Variants in C16orf96 observed in about 807,000 individuals in gnomAD.
C16orf96 encodes chromosome 16 open reading frame 96.
C16orf96 carries 108 observed loss-of-function variants against 103.6 expected under a neutral mutation model. The observed-to-expected ratio is 1.04, with a 90% CI of 0.89 to 1.22. The LOEUF is 1.22. Ranked by LOEUF, C16orf96 falls within the 50% of genes most tolerant of loss-of-function variation. C16orf96 has a pLI of 0.00. For synonymous variants in C16orf96, 566 were observed against 593.5 expected (o/e 0.95, Z 0.67); for missense variants, 1,586 against 1,464.2 (o/e 1.08, Z -1.36).
At chr16:4,585,522 C>G (rs572441318) in intron 7 of C16orf96, among the ~76,000 whole-genome samples, 1 of 152,026 alleles carries the variant, frequency 6.6e-6, no homozygotes. Context: ...AGCAAAGAAA[C>G]GAGCCCAAGC....
chr16:4,558,456 A>C (rs1213811388), intron 1 of C16orf96, among the ~76,000 whole-genome samples: 1 of 152,102 alleles, frequency 6.6e-6, no homozygotes, highest in Non-Finnish European at 1.5e-5. Context: ...TCTATAAAAA[A>C]ATGAATAAAT....
chr16:4,543,851 A>G, the C16orf96 span, among the ~76,000 whole-genome samples: 1 of 152,108 alleles, frequency 6.6e-6, no homozygotes, highest in Admixed American at 6.6e-5. Context: ...CATGTTGGCC[A>G]GGCTGGTCTC....
intron 1 of C16orf96, among the ~76,000 whole-genome samples, chr16:4,568,816 G>A (rs1472747452): frequency 6.6e-6 from 1 of 151,168 alleles, no homozygotes; most frequent in Non-Finnish European, 1.5e-5. Context: ...TTTTTGTAGA[G>A]ATGGGAGACC....
In C16orf96 at chr16:4,593,131, T is replaced by C; in HGVS notation, c.2775-93T>C. 8.1e-7 allele frequency: 1 copy of C among 1,241,430 alleles called. No individual in the cohort carries two copies. The highest frequency in any genetic ancestry group is 1.1e-6 in the Non-Finnish European group (1 of 872,000). The allele number at this position is 1,241,430 out of a possible 1,614,324, so 76.9% of individuals were successfully genotyped here. On this transcript the variant is annotated intron_variant, in intron 11 of 15. Transcript: ENST00000444310. This position sits in a 1 kb window ranked among gnomAD's most constrained non-coding sequence, Gnocchi z 4.2. Reference sequence around the variant, plus strand: ...ACCTGAGTCTGCACCTCCTTCCTCCTGCTGGGAAGGCTTCCTGGAGGGGTG... The same window carrying C: ...ACCTGAGTCTGCACCTCCTTCCTCCCGCTGGGAAGGCTTCCTGGAGGGGTG...
At chr16:4,570,080 G>A (rs968399019) in intron 1 of C16orf96, among the ~76,000 whole-genome samples, 4 of 150,412 alleles carry the variant, frequency 2.7e-5, no homozygotes, top group East Asian at 2.0e-4. Flanking sequence ...AAGCCAGGGC[G>A]CTTTGTGCCC....
the C16orf96 span, among the ~76,000 whole-genome samples, chr16:4,547,718 T>TTCTTTCTTTCTTTCTTTCTTTCTTTCTG: frequency 1.3e-5 from 1 of 77,476 alleles, no homozygotes; most frequent in African/African-American, 3.3e-5. Context: ...CTTTCTTTCT[T>TTCTTTCTTTCTTTCTTTCTTTCTTTCTG]TCTTTCTTTC....
chr16:4,552,203 C>T (rs535657194), upstream of C16orf96, among the ~76,000 whole-genome samples: 29 of 152,084 alleles, frequency 1.9e-4, no homozygotes, highest in African/African-American at 6.3e-4. Context: ...GAAAGTTGGC[C>T]GGGCGCGGTG....
chr16:4,584,109 C>T (rs908179483), intron 7 of C16orf96, among the ~76,000 whole-genome samples: 5 of 152,140 alleles, frequency 3.3e-5, no homozygotes, highest in African/African-American at 7.2e-5. Context: ...GGCAGTAGCA[C>T]GGTGACAAAT....
upstream of C16orf96, among the ~76,000 whole-genome samples, chr16:4,554,655 A>G (rs1267072784): frequency 1.3e-5 from 2 of 148,538 alleles, no homozygotes; most frequent in Non-Finnish European, 3.0e-5. Flanking sequence ...CACCCAGCCT[A>G]TCGCCCTTCT....
chr16:4,562,599 G>A (rs138250495), intron 1 of C16orf96, among the ~76,000 whole-genome samples: 4 of 152,080 alleles, frequency 2.6e-5, no homozygotes, highest in East Asian at 1.9e-4. Context: ...TACACTAGGT[G>A]GTGGGCACAC....
chr16:4,539,700 G>C, the C16orf96 span, among the ~76,000 whole-genome samples: 1 of 152,010 alleles, frequency 6.6e-6, no homozygotes, highest in Admixed American at 6.6e-5. Context: ...AAGAAAGAAA[G>C]AAAGAAATTA....
At position 4,578,919 on chromosome 16, in the gene C16orf96, C is replaced by T. The variant is rs951698625; in HGVS notation, c.2156-21C>T. On this transcript the variant is annotated intron_variant, in intron 5 of 15. Transcript: ENST00000444310. ...TTCCTCCATCCGAGCCCTCAGCAGC[C>T]ACCCTGTCCTCTGCTTTCAGCCAAT... 7.1e-6 allele frequency: 11 copies of T among 1,544,396 alleles called. No homozygotes were observed. In the African/African-American group the frequency reaches 1.4e-4, roughly 19 times the overall value.
the C16orf96 span, among the ~76,000 whole-genome samples, chr16:4,546,758 C>G: frequency 6.6e-6 from 1 of 152,050 alleles, no homozygotes; most frequent in Non-Finnish European, 1.5e-5. Flanking sequence ...GCATAAGCCA[C>G]CACACCCAAC....
the C16orf96 span, among the ~76,000 whole-genome samples, chr16:4,542,422 A>G: frequency 6.6e-6 from 1 of 152,238 alleles, no homozygotes; most frequent in South Asian, 2.1e-4. Flanking sequence ...CCACATTAAA[A>G]GTATAAAAAG....
chr16:4,553,767 G>A (rs894484752), upstream of C16orf96, among the ~76,000 whole-genome samples: 5 of 152,152 alleles, frequency 3.3e-5, no homozygotes, highest in East Asian at 1.9e-4. Context: ...GAGCCACAGC[G>A]CCTGACTGCA....
At chr16:4,594,562 G>T (rs1004502335) in intron 13 of C16orf96, 52 bp downstream of exon 13, 2 of 1,543,706 alleles carry the variant, frequency 1.3e-6, no homozygotes, top group Non-Finnish European at 1.8e-6. Flanking sequence ...GCGCACCCCA[G>T]CCCCAGGTGT....
Position 4,594,526 on chromosome 16 carries a change from G to T in C16orf96, c.3027+16G>T, listed in dbSNP as rs146379206. 92 of 1,548,918 alleles carry T rather than the reference G, an allele frequency of 5.9e-5. No homozygotes were observed. The highest frequency in any genetic ancestry group is 3.3e-4 in the Middle Eastern group (2 of 5,982). ...CTATGACAGCGTGAGTCTGGCCGGG[G>T]CCTCCTTCTCAGAGGGTGGACGTCA... On this transcript the variant is annotated intron_variant, in intron 13 of 15. Coordinates refer to ENST00000444310, the MANE Select transcript of C16orf96 (RefSeq NM_001145011.2).
Position 4,556,683 on chromosome 16 carries a change from G to T in C16orf96, c.194G>T (p.Gly65Val), listed in dbSNP as rs1225509907. 6.4e-7 allele frequency: 1 copy of T among 1,551,482 alleles called. No homozygotes were observed. The highest frequency in any genetic ancestry group is 1.4e-5 in the African/African-American group (1 of 73,168). The change falls in exon 1 of 16, where the codon GGA (glycine) becomes GTA (valine). Residue 65 changes from glycine to valine, a missense_variant. Coordinates refer to ENST00000444310, the MANE Select transcript of C16orf96 (RefSeq NM_001145011.2). ...CAGGTGGTCATCATGCCCAGGGAAGGAGACGCCCAGCCTATCCTCAACCCC... is the reference window on the plus strand; with the variant it reads ...CAGGTGGTCATCATGCCCAGGGAAGTAGACGCCCAGCCTATCCTCAACCCC... ...TSQVVIMPRE[G>V]DAQPILNPMK...
chr16:4,561,141 C>T (rs924900327), intron 1 of C16orf96: 4 of 150,588 alleles, frequency 2.7e-5, no homozygotes, highest in Admixed American at 6.6e-5. Flanking sequence ...GCTGAAACTC[C>T]GTCAAAAAAA....
Sources: allele counts gnomAD v4.1 joint callset (sites outside exome capture counted in the v4.1 genomes callset), GRCh38; gene constraint gnomAD v4.1.1; non-coding constraint Gnocchi (gnomAD v3.1); transcripts MANE v1.5; gene names NCBI Gene and HGNC (gene_info 2026-07-23, HGNC 2026-07-21).